PPP1R42: variants seen among roughly 807,000 people sequenced by gnomAD.
PPP1R42 encodes the protein leucine rich repeat containing 67.
In PPP1R42, 34 loss-of-function variants were observed where a neutral mutation model predicts 31.0. The ratio of observed to expected loss-of-function variants is 1.10; its 90% confidence interval spans 0.83 to 1.46. The LOEUF (loss-of-function observed/expected upper bound fraction) is 1.46, where lower values mean the gene tolerates loss of function less well. Ranked by LOEUF, PPP1R42 falls within the 40% of genes most tolerant of loss-of-function variation. PPP1R42 has a pLI of 0.00. For synonymous variants in PPP1R42, 103 were observed against 109.8 expected, an observed-to-expected ratio of 0.94 and a Z score of 0.39; for missense variants, 268 against 303.0, an observed-to-expected ratio of 0.88 and a Z score of 0.86.
intron 7 of PPP1R42, among the ~76,000 whole-genome samples, chr8:66,976,576 G>C (rs1021600569): frequency 6.9e-6 from 1 of 145,846 alleles, no homozygotes; most frequent in African/African-American, 2.5e-5. Context: ...TAGTATCCTC[G>C]TTCTACTTTT....
chr8:67,017,899 C>G (rs1816064980), intron 1 of PPP1R42, 68 bp from the exon 2 acceptor site: 1 of 754,330 alleles, frequency 1.3e-6, no homozygotes, highest in African/African-American at 1.8e-5. Context: ...TTCTGACTTA[C>G]TCTTTAAATA....
At chr8:66,994,245 CTG>C (rs1489717677) in intron 5 of PPP1R42, among the ~76,000 whole-genome samples, 1 of 152,128 alleles carries the variant, frequency 6.6e-6, no homozygotes, top group East Asian at 1.9e-4. Flanking sequence ...CAGGTAGCCT[CTG>C]TAATGAGGCA....
chr8:67,018,973 G>A (rs764546479), intron 1 of PPP1R42, among the ~76,000 whole-genome samples: 1 of 151,042 alleles, frequency 6.6e-6, no homozygotes, highest in Non-Finnish European at 1.5e-5. Flanking sequence ...GGGACTATAG[G>A]CACACGCCGC....
chr8:67,000,931 A>G (rs910844870), intron 5 of PPP1R42, among the ~76,000 whole-genome samples: 23 of 152,076 alleles, frequency 1.5e-4, no homozygotes, highest in African/African-American at 5.1e-4. Flanking sequence ...GGGTTTGTCC[A>G]TTTCTCCTTT....
At chr8:66,984,437 C>G (rs1219582926) in intron 6 of PPP1R42, 1 of 1,297,538 alleles carries the variant, frequency 7.7e-7, no homozygotes, top group Non-Finnish European at 1.1e-6. Flanking sequence ...CCTTCCACTA[C>G]TACCACGTTG....
intron 7 of PPP1R42, among the ~76,000 whole-genome samples, chr8:66,979,009 C>A (rs1814752365): frequency 6.6e-6 from 1 of 152,106 alleles, no homozygotes; most frequent in South Asian, 2.1e-4. Context: ...TATAGGTTGT[C>A]TTTTCACTCT....
chr8:66,965,921 T>G (rs1406293750), intron 7 of PPP1R42, among the ~76,000 whole-genome samples: 1 of 152,044 alleles, frequency 6.6e-6, no homozygotes, highest in African/African-American at 2.4e-5. Flanking sequence ...AGACCCTGTC[T>G]CTCAAAAGAT....
chr8:67,023,126 A>AGTT (rs1469585734), intron 1 of PPP1R42, among the ~76,000 whole-genome samples: 5 of 150,768 alleles, frequency 3.3e-5, no homozygotes, highest in African/African-American at 7.3e-5. Flanking sequence ...TTGTTTTTTC[A>AGTT]TTTGTTTGTT....
intron 7 of PPP1R42, among the ~76,000 whole-genome samples, chr8:66,973,226 A>G (rs1241756074): frequency 6.6e-6 from 1 of 152,038 alleles, no homozygotes; most frequent in Non-Finnish European, 1.5e-5. Flanking sequence ...ATAACATTCT[A>G]TATGGACTTT....
chr8:66,984,262 C>T (rs1196209784), intron 6 of PPP1R42: 11 of 1,445,028 alleles, frequency 7.6e-6, no homozygotes, highest in East Asian at 6.8e-5. Context: ...TCCAAAGCTC[C>T]GGTCTTTGGC....
chr8:67,021,814 T>C (rs1786018632), intron 1 of PPP1R42, among the ~76,000 whole-genome samples: 1 of 152,196 alleles, frequency 6.6e-6, no homozygotes, highest in African/African-American at 2.4e-5. Context: ...ATATTAATGA[T>C]ATTATTCTGT....
chr8:67,002,292 C>T (rs566219343), intron 5 of PPP1R42, among the ~76,000 whole-genome samples: 3 of 152,306 alleles, frequency 2.0e-5, no homozygotes, highest in Admixed American at 1.3e-4. Context: ...CTCTGACTCC[C>T]GGGTTCAAGC....
At chr8:66,991,855 G>A (rs899374241) in intron 5 of PPP1R42, among the ~76,000 whole-genome samples, 11 of 152,150 alleles carry the variant, frequency 7.2e-5, no homozygotes, top group African/African-American at 2.7e-4. Flanking sequence ...AGAATCCTGA[G>A]TGATCTTATT....
At chr8:66,976,109 T>C (rs1037803748) in intron 7 of PPP1R42, among the ~76,000 whole-genome samples, 2 of 152,108 alleles carry the variant, frequency 1.3e-5, no homozygotes, top group African/African-American at 2.4e-5. Context: ...TGCTACAGCA[T>C]TGGATTCTCA....
At chr8:67,003,394 T>C (rs1815569090) in intron 5 of PPP1R42, among the ~76,000 whole-genome samples, 1 of 147,082 alleles carries the variant, frequency 6.8e-6, no homozygotes, top group African/African-American at 2.5e-5. Context: ...TGCTTCTTTT[T>C]TTTTTTTTTT....
At chr8:67,018,815 C>CCCCA (rs1816101885) in intron 1 of PPP1R42, among the ~76,000 whole-genome samples, 1 of 4,290 alleles carries the variant, frequency 2.3e-4, no homozygotes, top group Non-Finnish European at 9.4e-4. Flanking sequence ...CTGGCCCCCG[C>CCCCA]CCCCCCCCCC....
At chr8:66,979,369 C>CA (rs1430089598) in intron 7 of PPP1R42, among the ~76,000 whole-genome samples, 1 of 152,110 alleles carries the variant, frequency 6.6e-6, no homozygotes, top group Non-Finnish European at 1.5e-5. Flanking sequence ...CTCATCTCTA[C>CA]AAAAAATATT....
chr8:66,984,046 A>C, intron 6 of PPP1R42: 2 of 1,289,912 alleles, frequency 1.6e-6, no homozygotes, highest in Non-Finnish European at 2.2e-6. Flanking sequence ...CTGAGATCAT[A>C]CAAGTGGGAG....
intron 7 of PPP1R42, 57 bp from the exon 8 acceptor site, chr8:66,964,391 A>G (rs1814325955): frequency 1.1e-6 from 1 of 894,304 alleles, no homozygotes; most frequent in Non-Finnish European, 1.5e-6. Flanking sequence ...AAGTATCCCT[A>G]AAAGGTAGCA....
Sources: gnomAD v4.1 joint callset for allele counts (sites outside exome capture counted in the v4.1 genomes callset) on GRCh38, gnomAD v4.1.1 for gene constraint, MANE v1.5 for transcripts, NCBI Gene and HGNC (gene_info 2026-07-23, HGNC 2026-07-21) for gene names.